The following MUC5B variants were observed in gnomAD, a reference collection of about 807,000 sequenced individuals.
The protein encoded by MUC5B is mucin-5B.
Under a neutral mutation model 376.9 loss-of-function variants are expected in MUC5B, and 116 were observed. The observed-to-expected ratio is 0.31, with a 90% confidence interval of 0.26 to 0.36. MUC5B has a LOEUF of 0.36. MUC5B is among the 10% of genes least tolerant of loss of function. The pLI is 1.00. For synonymous variants in MUC5B, 3,517 were observed against 3,390.9 expected, an observed-to-expected ratio of 1.04 and a Z score of -1.29; for missense variants, 7,165 against 7,769.9, an observed-to-expected ratio of 0.92 and a Z score of 2.93.
In MUC5B at chr11:1,226,851, G is replaced by C. The variant is rs368203418; in HGVS notation, c.436G>C (p.Gly146Arg). Reference protein sequence around the residue: ...AQGLVLEASNGSVLINGQREE... With the variant: ...AQGLVLEASNRSVLINGQREE... ...GGGGCTGGTGCTGGAGGCGTCCAAC[G>C]GCTCCGTCCTCATCAATGGGCAGCG... Residue 146 changes from glycine (G) to arginine (R), a missense_variant, in exon 4 of 49, where the codon GGC becomes CGC. Gly to Arg is a moderately radical substitution (Grantham distance 125). This residue lies in a region of MUC5B where 640 missense variants were observed against 733.0 expected (regional missense o/e 0.87). Transcript: ENST00000529681. 6.2e-7 allele frequency: 1 copy of C among 1,607,762 alleles called. No individual in the cohort carries two copies. The highest frequency in any genetic ancestry group is 2.2e-5 in the East Asian group (1 of 44,810).
chr11:1,231,396 C>G, intron 13 of MUC5B, 27 bp from the exon 14 acceptor site: 1 of 1,593,994 alleles, frequency 6.3e-7, no homozygotes, highest in Non-Finnish European at 8.6e-7. Context: ...GCACCCCTGA[C>G]CGGCCTCTCC....
rs533889203 is a variant in MUC5B at position 1,249,587 on chromosome 11, C to G, written c.12707C>G (p.Ser4236Cys). ...GHCPSTPATSSTAMPSSTPGT... is the reference protein window; with the variant it reads ...GHCPSTPATSCTAMPSSTPGT... ...TGCCCCAGCACCCCGGCCACCAGCT[C>G]TACGGCCATGCCCTCCTCCACTCCG... The change falls in exon 31 of 49, where the codon TCT becomes TGT. Residue 4236 changes from serine to cysteine, a missense_variant. By Grantham distance (112) the Ser-to-Cys change is moderately radical (BLOSUM62 -1). This residue lies in a region of MUC5B where 38 missense variants were observed against 72.5 expected (regional missense o/e 0.52). Transcript: ENST00000529681. 1.2e-6 allele frequency: 2 copies of G among 1,612,082 alleles called. No individual in the cohort carries two copies. The highest frequency in any genetic ancestry group is 1.3e-5 in the African/African-American group (1 of 74,914).
Position 1,249,163 on chromosome 11 carries a change from A to C in MUC5B, c.12283A>C (p.Arg4095=), listed in dbSNP as rs759315223. 6.2e-7 allele frequency: 1 copy of C among 1,610,618 alleles called. No homozygotes were observed. Among genetic ancestry groups the C allele is most frequent in the South Asian group, 1.1e-5 (1 of 90,928 alleles). ...TTPGHTTATS[R]TTATATPSKT... ...CCCGGGCCACACCACGGCCACCTCC[A>C]GGACCACGGCCACGGCCACACCCAG... is the stretch of plus-strand genomic sequence containing the variant. The change falls in exon 31 of 49, where the codon AGG becomes CGG. Residue 4095 remains arginine, a synonymous_variant. Transcript: ENST00000529681.
intron 30 of MUC5B, 40 bp downstream of exon 30, chr11:1,240,415 G>A: frequency 6.5e-7 from 1 of 1,527,480 alleles, no homozygotes; most frequent in Non-Finnish European, 8.9e-7. Flanking sequence ...AGTACCGTCT[G>A]GGTGACAAGG....
chr11:1,236,838 T>A, intron 24 of MUC5B, 87 bp from the exon 25 acceptor site: 2 of 1,378,728 alleles, frequency 1.5e-6, no homozygotes, highest in Non-Finnish European at 1.9e-6. Flanking sequence ...CCCCGAGGGC[T>A]CTGGAGCCCA....
Position 1,228,667 on chromosome 11 carries a change from G to A in MUC5B, c.878G>A (p.Arg293His), listed in dbSNP as rs1263429441. The change falls in exon 8 of 49, where the codon CGC (arginine) becomes CAC (histidine). Residue 293 changes from arginine (R) to histidine (H), a missense_variant. Arg to His is a conservative substitution (Grantham distance 29, BLOSUM62 0). Transcript: ENST00000529681. Reference protein sequence around the residue: ...YLAACAQDLCRCPTCPCATFV... With the variant: ...YLAACAQDLCHCPTCPCATFV... ...GCCGCCTGCGCCCAGGACCTGTGCC[G>A]CTGCCCCACCTGCCCGTGTGCCACC... 1.7e-5 allele frequency: 26 copies of A among 1,534,204 alleles called. No individual in the cohort carries two copies. Among genetic ancestry groups the A allele is most frequent in the East Asian group, 9.8e-5 (4 of 40,898 alleles).
Position 1,246,604 on chromosome 11 carries a change from T to C in MUC5B, c.9724T>C (p.Ser3242Pro). 1 of 1,611,112 alleles carries C rather than the reference T, an allele frequency of 6.2e-7. No individual in the cohort carries two copies. The highest frequency in any genetic ancestry group is 8.5e-7 in the Non-Finnish European group (1 of 1,179,132). Residue 3242 changes from serine (S) to proline (P), a missense_variant, in exon 31 of 49, where the codon TCT becomes CCT. Ser to Pro is a moderately conservative substitution (Grantham distance 74). Coordinates refer to ENST00000529681, the MANE Select transcript of MUC5B (RefSeq NM_002458.3). ...PTATSVTAIP[S>P]SSLGTAWTRL... is the part of the protein sequence containing the mutation. ...AGCTACCAGCGTTACAGCCATCCCC[T>C]CTTCCTCCCTGGGCACCGCCTGGAC...
Position 1,261,901 on chromosome 11 carries a change from T to C in MUC5B, c.*293T>C, listed in dbSNP as rs1481518014. ...GGGACGCCCTGGAACAAACTAAGCA[T>C]GTGCGGGCCTATGTGTCCCTGCCAC... On this transcript the variant is annotated 3_prime_UTR_variant, in exon 49 of 49. Transcript: ENST00000529681. 19 of 640,232 alleles carry C rather than the reference T, an allele frequency of 3.0e-5. No individual in the cohort carries two copies. Among genetic ancestry groups the C allele is most frequent in the Admixed American group, 2.1e-4 (10 of 47,852 alleles). The allele number at this position is 640,232 out of a possible 1,614,324, so 39.7% of individuals were successfully genotyped here.
At chr11:1,232,989 C>G (rs538760532) in intron 17 of MUC5B, 24 bp from the exon 18 acceptor site, 109 of 1,547,162 alleles carry the variant, frequency 7.0e-5, no homozygotes, top group Admixed American at 1.9e-4. Flanking sequence ...GCTGACCTGT[C>G]CCCCCTGGCC....
rs537875840 is a variant in MUC5B, at chr11:1,238,804, G to C, written c.3298-67G>C. 3 of 1,507,532 alleles carry C rather than the reference G, an allele frequency of 2.0e-6. No individual in the cohort carries two copies. The South Asian group carries it at 3.7e-5, about 19-fold the overall frequency. The allele number at this position is 1,507,532 out of a possible 1,614,324, so 93.4% of individuals were successfully genotyped here. ...ACAGATGGTTCCAGCAACTGGCCCT[G>C]GGCCAGCCACCCCCTGGCCGGGGGG... is the stretch of plus-strand genomic sequence containing the variant. On this transcript the variant is annotated intron_variant, in intron 25 of 48. Transcript: ENST00000529681.
chr11:1,256,498 AC>A (rs56052035), intron 38 of MUC5B, 172 bp from the exon 39 acceptor site: 7,659 of 35,190 alleles, frequency 0.22, 160 homozygotes, highest in Non-Finnish European at 0.26. Context: ...AGCCCCGCCC[AC>A]CCCCACCCCA....
rs1274055396 is a variant in MUC5B at position 1,258,771 on chromosome 11, T to TC, written c.16594-168dup. Reference sequence around the variant, plus strand: ...GCCCAGATTCCCTGCCCACCTGTGGTCCCTGTGTGCATCAGCTCCCTGCCT... The same window carrying TC: ...GCCCAGATTCCCTGCCCACCTGTGGTCCCCTGTGTGCATCAGCTCCCTGCCT... On this transcript the variant is annotated intron_variant, in intron 43 of 48. Transcript: ENST00000529681. The surrounding 1 kb of genome is among the most constrained non-coding windows in gnomAD (Gnocchi z 5.5). Among the ~76,000 whole-genome samples the TC allele has an allele frequency of 6.6e-6, 1 of 151,926 alleles. No individual in the cohort carries two copies. The highest frequency in any genetic ancestry group is 1.9e-4 in the East Asian group (1 of 5,172).
chr11:1,247,391 A>G lies in MUC5B; in HGVS notation c.10511A>G (p.His3504Arg), dbSNP rs2943526. ...TPAATTSTTQ[H>R]STPALSSPHP... ...GCAGCAACCACCAGTACCACCCAGC[A>G]CTCGACTCCAGCCCTGTCCAGCCCT... The change falls in exon 31 of 49, where the codon CAC becomes CGC. Residue 3504 changes from histidine (H) to arginine (R), a missense_variant. His to Arg is a conservative substitution (Grantham distance 29, BLOSUM62 0). This residue lies in a region of MUC5B where 939 missense variants were observed against 770.6 expected (regional missense o/e 1.22). Transcript: ENST00000529681. 4 of 1,608,302 alleles carry G rather than the reference A, an allele frequency of 2.5e-6. No individual in the cohort carries two copies. The highest frequency in any genetic ancestry group is 3.3e-5 in the Admixed American group (2 of 59,760).
intron 36 of MUC5B, 40 bp downstream of exon 36, chr11:1,255,306 C>T: frequency 6.6e-7 from 1 of 1,507,880 alleles, no homozygotes; most frequent in South Asian, 1.3e-5. Context: ...CTGGGGCGCC[C>T]CCGCCCGCCC....
At position 1,257,806 on chromosome 11, in the gene MUC5B, G is replaced by A. The variant is rs1317675312; in HGVS notation, c.16450+96G>A. The stretch of plus-strand genomic sequence containing the variant: ...TGTGGGTTGGGCACAGGAGAGCAGA[G>A]GAGAGCCACTGTGTCCTGGCGTGAC... On this transcript the variant is annotated intron_variant, in intron 41 of 48. Coordinates refer to ENST00000529681, the MANE Select transcript of MUC5B (RefSeq NM_002458.3). The surrounding 1 kb of genome is among the most constrained non-coding windows in gnomAD (Gnocchi z 8.9). 3.6e-6 allele frequency: 5 copies of A among 1,401,188 alleles called. No homozygotes were observed. The East Asian group carries it at 1.3e-4, about 35-fold the overall frequency. 86.8% of individuals were successfully genotyped at this position (1,401,188 alleles called of 1,614,324 possible).
chr11:1,231,984 C>T lies in MUC5B; in HGVS notation c.1679-12C>T. 1 of 1,612,494 alleles carries T rather than the reference C, an allele frequency of 6.2e-7. No homozygotes were observed. The highest frequency in any genetic ancestry group is 8.5e-7 in the Non-Finnish European group (1 of 1,179,752). On this transcript the variant is annotated splice_polypyrimidine_tract_variant and intron_variant, in intron 14 of 48. Coordinates refer to ENST00000529681, the MANE Select transcript of MUC5B (RefSeq NM_002458.3). Reference sequence around the variant, plus strand: ...ACAGTGGCCGCTGACATCCCCCAACCCTGGCCCCCAGGCCTGTGTGGGAAC... The same window carrying T: ...ACAGTGGCCGCTGACATCCCCCAACTCTGGCCCCCAGGCCTGTGTGGGAAC...
At position 1,252,669 on chromosome 11, in the gene MUC5B, G is replaced by A. The variant is rs1407442560; in HGVS notation, c.15046-140G>A. On this transcript the variant is annotated intron_variant, in intron 32 of 48. Transcript: ENST00000529681. ...GTTGGAGGAGGCACACAGGGCCTAG[G>A]GGCCAGGCTAGCATGGGGGCCGCCC... 3.7e-5 allele frequency: 51 copies of A among 1,384,468 alleles called. No homozygotes were observed. The East Asian group carries it at 1.2e-3, about 31-fold the overall frequency. The allele number at this position is 1,384,468 out of a possible 1,614,324, so 85.8% of individuals were successfully genotyped here.
At position 1,248,887 on chromosome 11, in the gene MUC5B, C is replaced by G; in HGVS notation, c.12007C>G (p.Pro4003Ala). The change falls in exon 31 of 49, where the codon CCA becomes GCA. Residue 4003 changes from proline (P) to alanine (A), a missense_variant. Coordinates refer to ENST00000529681, the MANE Select transcript of MUC5B (RefSeq NM_002458.3). ...SSALGTTHTP[P>A]VPNTTATTHG... ...TGCCCTAGGGACCACCCACACACCC[C>G]CAGTGCCGAACACCACGGCCACCAC... is the stretch of plus-strand genomic sequence containing the variant. 1 of 1,551,006 alleles carries G rather than the reference C, an allele frequency of 6.4e-7. No individual in the cohort carries two copies. Among genetic ancestry groups the G allele is most frequent in the South Asian group, 1.2e-5 (1 of 85,310 alleles).
In MUC5B at chr11:1,255,432, G is replaced by A. The variant is rs763728561; in HGVS notation, c.15940G>A (p.Ala5314Thr). Residue 5314 changes from alanine (A) to threonine (T), a missense_variant, in exon 37 of 49, where the codon GCC (alanine) becomes ACC (threonine). Transcript: ENST00000529681. ...TGTGCCCCCGGGCCCATTCTTCAAC[G>A]CCTGCATCAGCGACCACTGCAGGGG... is the stretch of plus-strand genomic sequence containing the variant. The part of the protein sequence containing the change: ...NLVPPGPFFN[A>T]CISDHCRGRL... 27 of 1,603,978 alleles carry A rather than the reference G, an allele frequency of 1.7e-5. No individual in the cohort carries two copies. Among genetic ancestry groups the A allele is most frequent in the Middle Eastern group, 1.6e-4 (1 of 6,062 alleles).
Sources: allele counts gnomAD v4.1 joint callset (sites outside exome capture counted in the v4.1 genomes callset), GRCh38; gene constraint gnomAD v4.1.1; regional missense constraint gnomAD v4.1.1; non-coding constraint Gnocchi (gnomAD v3.1); transcripts MANE v1.5; gene names NCBI Gene and HGNC (gene_info 2026-07-23, HGNC 2026-07-21).